ZNF536: variants seen among roughly 807,000 people sequenced by gnomAD.
ZNF536 encodes zinc finger protein 536.
A neutral mutation model predicts 84.5 loss-of-function variants in ZNF536; 13 were observed. The ratio of observed to expected loss-of-function variants is 0.15; its 90% CI spans 0.10 to 0.24. The LOEUF (loss-of-function observed/expected upper bound fraction) is 0.24, where lower values mean the gene tolerates loss of function less well. Ranked by LOEUF, ZNF536 falls within the 10% of genes least tolerant of loss-of-function variation. ZNF536 has a pLI of 1.00. For missense variants in ZNF536, 1,536 were observed against 1,747.5 expected (o/e 0.88, Z 2.16); for synonymous variants, 811 against 742.5 (o/e 1.09, Z -1.50).
intron 2 of ZNF536, among the ~76,000 whole-genome samples, chr19:30,466,743 AGG>A (rs2053422963): frequency 2.7e-5 from 2 of 74,702 alleles, no homozygotes; most frequent in African/African-American, 1.4e-4. Flanking sequence ...GAGGGAGGGA[AGG>A]AAGAAAGGAG....
chr19:30,392,130 G>C (rs574231735), intron 1 of ZNF536, among the ~76,000 whole-genome samples: 2 of 152,212 alleles, frequency 1.3e-5, no homozygotes, highest in South Asian at 4.2e-4. Context: ...AAGGGAGTGA[G>C]TGTCTCCTCT....
At chr19:30,640,999 C>T (rs1040461495) in intron 1 of ZNF536, among the ~76,000 whole-genome samples, 6 of 152,188 alleles carry the variant, frequency 3.9e-5, no homozygotes, top group Non-Finnish European at 7.4e-5. Flanking sequence ...TTCCCACCTG[C>T]GTAAGTCTCT....
intron 1 of ZNF536, among the ~76,000 whole-genome samples, chr19:30,276,786 C>T (rs904159359): frequency 2.0e-5 from 3 of 151,950 alleles, no homozygotes; most frequent in Admixed American, 6.5e-5. Context: ...ATTAAGCTCA[C>T]GTCACCAGGA....
At chr19:30,649,864 G>T (rs1394064701) in intron 1 of ZNF536, among the ~76,000 whole-genome samples, 1 of 151,836 alleles carries the variant, frequency 6.6e-6, no homozygotes, top group African/African-American at 2.4e-5. Flanking sequence ...AGTTTATACT[G>T]GTTTAATCTG....
intron 1 of ZNF536, among the ~76,000 whole-genome samples, chr19:30,261,013 T>C (rs571610526): frequency 3.4e-4 from 52 of 152,044 alleles, no homozygotes; most frequent in Non-Finnish European, 6.9e-4. Flanking sequence ...AAAATATAAC[T>C]AGCGGCCGGG....
chr19:30,270,268 G>A (rs2145445249), intron 1 of ZNF536, among the ~76,000 whole-genome samples: 1 of 152,330 alleles, frequency 6.6e-6, no homozygotes. Flanking sequence ...ATACATTGAA[G>A]TTAAGCTGAG....
At chr19:30,660,898 C>A (rs915678392) in intron 1 of ZNF536, among the ~76,000 whole-genome samples, 9 of 152,174 alleles carry the variant, frequency 5.9e-5, no homozygotes, top group African/African-American at 1.9e-4. Flanking sequence ...TACACAAAAT[C>A]TCTGCCTCAT....
chr19:30,306,124 C>T (rs1368790373), intron 2 of ZNF536, among the ~76,000 whole-genome samples: 1 of 149,848 alleles, frequency 6.7e-6, no homozygotes, highest in East Asian at 1.9e-4. Flanking sequence ...TTCTACACTC[C>T]TTTTTTTTTC....
intron 1 of ZNF536, among the ~76,000 whole-genome samples, chr19:30,402,155 C>T (rs934062051): frequency 1.2e-4 from 18 of 152,002 alleles, no homozygotes; most frequent in Non-Finnish European, 1.0e-4. Context: ...ATACTAGCAA[C>T]GGTAAACACT....
At chr19:30,411,998 T>A (rs1425394120) in intron 1 of ZNF536, among the ~76,000 whole-genome samples, 1 of 152,046 alleles carries the variant, frequency 6.6e-6, no homozygotes, top group Non-Finnish European at 1.5e-5. Flanking sequence ...TGTCTTATTA[T>A]ATTTATTCTG....
chr19:30,679,024 C>T (rs2050864255), intron 1 of ZNF536, among the ~76,000 whole-genome samples: 1 of 151,990 alleles, frequency 6.6e-6, no homozygotes, highest in Non-Finnish European at 1.5e-5. Flanking sequence ...ATCCCTGCAG[C>T]CCCCTTCAAC....
intron 1 of ZNF536, among the ~76,000 whole-genome samples, chr19:30,385,448 G>A (rs1326110362): frequency 6.6e-6 from 1 of 152,046 alleles, no homozygotes; most frequent in African/African-American, 2.4e-5. Flanking sequence ...CGTTACCCTG[G>A]TTGCAGTGCT....
intron 1 of ZNF536, among the ~76,000 whole-genome samples, chr19:30,587,274 A>G (rs886835478): frequency 6.6e-6 from 1 of 152,216 alleles, no homozygotes; most frequent in African/African-American, 2.4e-5. Context: ...TCAATAATCT[A>G]TGGATTACAA....
intron 1 of ZNF536, among the ~76,000 whole-genome samples, chr19:30,250,347 A>G (rs2024536389): frequency 6.6e-6 from 1 of 152,172 alleles, no homozygotes; most frequent in Non-Finnish European, 1.5e-5. Flanking sequence ...CAGGGAACAT[A>G]TACATTAATA....
chr19:30,591,515 AGAACAGTATGGGG>A (rs1321124314), intron 1 of ZNF536, among the ~76,000 whole-genome samples: 1 of 152,196 alleles, frequency 6.6e-6, no homozygotes, highest in Admixed American at 6.5e-5. Flanking sequence ...CACTACCATG[AGAACAGTATGGGG>A]GAAATTGCCC....
chr19:30,632,438 T>G (rs2048919283), intron 1 of ZNF536, among the ~76,000 whole-genome samples: 1 of 152,090 alleles, frequency 6.6e-6, no homozygotes, highest in African/African-American at 2.4e-5. Context: ...AAACCCCATC[T>G]CTACTAAAAA....
chr19:30,486,119 G>A (rs1030910158), intron 2 of ZNF536, among the ~76,000 whole-genome samples: 5 of 151,846 alleles, frequency 3.3e-5, no homozygotes, highest in Non-Finnish European at 2.9e-5. Context: ...TTTAAGTTCC[G>A]GGATACATGT....
At position 30,291,374 on chromosome 19, in the gene ZNF536, G is replaced by T. The variant is rs564598583; in HGVS notation, c.-120+7233G>T. Among the ~76,000 whole-genome samples, 3 of 152,074 alleles carry T rather than the reference G, an allele frequency of 2.0e-5. No homozygotes were observed. In the East Asian group the frequency reaches 5.8e-4, roughly 29 times the overall value. On this transcript the variant is annotated intron_variant, in intron 2 of 5. Transcript: ENST00000585628. Reference sequence around the variant, plus strand: ...GTTGTTTCCTGACTTTTTAATGATCGCCATTCTAACTGGTATGAGATGGTA... The same window carrying T: ...GTTGTTTCCTGACTTTTTAATGATCTCCATTCTAACTGGTATGAGATGGTA...
intron 1 of ZNF536, among the ~76,000 whole-genome samples, chr19:30,664,856 GTCTGGGCTGCCAGCCCAGT>G (rs2050258598): frequency 6.6e-6 from 1 of 152,154 alleles, no homozygotes; most frequent in Non-Finnish European, 1.5e-5. Context: ...GAGGGCTGAT[GTCTGGGCTGCCAGCCCAGT>G]TCTTTAGCCC....
Sources: allele counts gnomAD v4.1 joint callset (sites outside exome capture counted in the v4.1 genomes callset), GRCh38; gene constraint gnomAD v4.1.1; transcripts MANE v1.5; gene names NCBI Gene and HGNC (gene_info 2026-07-23, HGNC 2026-07-21).